Variants in TMEM67 observed in about 807,000 individuals in gnomAD.
The protein encoded by TMEM67 is transmembrane protein 67, also known as meckelin.
In TMEM67, 124 loss-of-function variants were observed where a neutral mutation model predicts 136.6. That is an observed-to-expected ratio of 0.91 (90% confidence interval 0.78 to 1.05). The LOEUF (loss-of-function observed/expected upper bound fraction) is 1.05. TMEM67 is among the 50% of genes least tolerant of loss of function. TMEM67 has a pLI of 0.00. For synonymous variants in TMEM67, 364 were observed against 390.5 expected (o/e 0.93, Z 0.80); for missense variants, 1,107 against 1,178.4 (o/e 0.94, Z 0.89).
At chr8:93,804,976 C>T in intron 23 of TMEM67, 98 bp downstream of exon 23, 1 of 778,736 alleles carries the variant, frequency 1.3e-6, no homozygotes, top group Non-Finnish European at 2.2e-6. Context: ...TCATTGATAA[C>T]TTTTTTTTCT....
chr8:93,765,037 C>T (rs1813021209), intron 4 of TMEM67, among the ~76,000 whole-genome samples: 1 of 152,066 alleles, frequency 6.6e-6, no homozygotes, highest in Non-Finnish European at 1.5e-5. Context: ...TACTTTGTGG[C>T]ACATAAAATA....
At chr8:93,802,107 G>GA (rs1283523363) in intron 21 of TMEM67, among the ~76,000 whole-genome samples, 2 of 152,156 alleles carry the variant, frequency 1.3e-5, no homozygotes, top group African/African-American at 4.8e-5. Context: ...TCTTTCCCAT[G>GA]AAAAAGATAA....
At chr8:93,801,684 G>C (rs1814879128) in intron 21 of TMEM67, among the ~76,000 whole-genome samples, 1 of 152,152 alleles carries the variant, frequency 6.6e-6, no homozygotes, top group Admixed American at 6.5e-5. Flanking sequence ...TTGCACGTGT[G>C]AGCCAGATTG....
At chr8:93,779,262 T>A (rs1409173331) in intron 7 of TMEM67, among the ~76,000 whole-genome samples, 2 of 152,190 alleles carry the variant, frequency 1.3e-5, no homozygotes, top group Non-Finnish European at 2.9e-5. Context: ...TGTCTAATCT[T>A]TTTTCAAGGT....
Position 93,754,913 on chromosome 8 carries a change from C to G in TMEM67, c.-2C>G. 1.2e-6 allele frequency: 2 copies of G among 1,613,456 alleles called. No homozygotes were observed. Among genetic ancestry groups the G allele is most frequent in the Non-Finnish European group, 1.7e-6 (2 of 1,179,856 alleles). Reference sequence around the variant, plus strand: ...GGCTGTGAGGCTTCCAGCGTCGGTACCATGGCGACGCGCGGTGGGGCTGGG... The same window carrying G: ...GGCTGTGAGGCTTCCAGCGTCGGTAGCATGGCGACGCGCGGTGGGGCTGGG... On this transcript the variant is annotated 5_prime_UTR_variant, in exon 1 of 28. Coordinates refer to ENST00000453321, the MANE Select transcript of TMEM67 (RefSeq NM_153704.6).
At chr8:93,776,092 G>A (rs531691608) in intron 7 of TMEM67, among the ~76,000 whole-genome samples, 1 of 152,194 alleles carries the variant, frequency 6.6e-6, no homozygotes, top group South Asian at 2.1e-4. Flanking sequence ...TGGATTCCTA[G>A]GTATTTTATT....
chr8:93,827,131 A>G, the TMEM67 span, among the ~76,000 whole-genome samples: 1 of 152,128 alleles, frequency 6.6e-6, no homozygotes, highest in Non-Finnish European at 1.5e-5. Flanking sequence ...CCACCTGGCC[A>G]GTTTTATATA....
At chr8:93,804,738 C>T (rs958596820) in intron 22 of TMEM67, 24 bp from the exon 23 acceptor site, 2 of 1,398,080 alleles carry the variant, frequency 1.4e-6, no homozygotes, top group South Asian at 2.3e-5. Flanking sequence ...TTGCTATTTG[C>T]TTCTTTTTAT....
intron 1 of TMEM67, among the ~76,000 whole-genome samples, 175 bp downstream of exon 1, chr8:93,755,312 G>T (rs1459090442): frequency 6.6e-6 from 1 of 152,164 alleles, no homozygotes; most frequent in Non-Finnish European, 1.5e-5. Context: ...GAGCCACCGC[G>T]CCTGGCCCGA....
rs766852784 is a variant in TMEM67, at chr8:93,785,384, A to G, written c.1288+6A>G. 1.2e-5 allele frequency: 19 copies of G among 1,611,838 alleles called. No homozygotes were observed. Among genetic ancestry groups the G allele is most frequent in the Non-Finnish European group, 8.5e-7 (1 of 1,178,834 alleles). On this transcript the variant is annotated splice_donor_region_variant and intron_variant, in intron 12 of 27. Coordinates refer to ENST00000453321, the MANE Select transcript of TMEM67 (RefSeq NM_153704.6). The stretch of plus-strand genomic sequence containing the variant: ...TAAGATATTTGTGAACCAAGGTAAG[A>G]CATCCATACATACCACTCTTTTCCC...
chr8:93,785,102 C>T, intron 11 of TMEM67, 120 bp from the exon 12 acceptor site: 2 of 730,280 alleles, frequency 2.7e-6, no homozygotes, highest in South Asian at 1.7e-5. Context: ...ACTAGAAAAA[C>T]ACTCTGAAGA....
At chr8:93,760,050 T>G in intron 3 of TMEM67, 2 of 1,301,052 alleles carry the variant, frequency 1.5e-6, no homozygotes, top group Non-Finnish European at 1.0e-6. Flanking sequence ...CATTCTTTAT[T>G]TTTGGATGGG....
intron 21 of TMEM67, 147 bp downstream of exon 21, chr8:93,799,905 T>C (rs1443240857): frequency 1.3e-4 from 3 of 23,880 alleles, no homozygotes; most frequent in Non-Finnish European, 2.2e-4. Flanking sequence ...TGGTCAGTTC[T>C]TTTTTTTTTT....
intron 6 of TMEM67, among the ~76,000 whole-genome samples, chr8:93,767,725 A>ATTTTTTTTTT (rs61268455): frequency 1.4e-5 from 2 of 139,708 alleles, no homozygotes; most frequent in Non-Finnish European, 1.5e-5. Flanking sequence ...CTTCTGCGTG[A>ATTTTTTTTTT]TTTTTTTTTT....
chr8:93,809,991 C>T (rs540170650), intron 26 of TMEM67, 104 bp downstream of exon 26: 408 of 650,374 alleles, frequency 6.3e-4, no homozygotes, highest in African/African-American at 6.2e-3. Context: ...TTTTTTTAGA[C>T]GGCGTCTTGC....
Position 93,795,400 on chromosome 8 carries a change from A to T in TMEM67, c.1675-9A>T, listed in dbSNP as rs754762539. On this transcript the variant is annotated splice_polypyrimidine_tract_variant and intron_variant, in intron 16 of 27. Coordinates refer to ENST00000453321, the MANE Select transcript of TMEM67 (RefSeq NM_153704.6). Reference sequence around the variant, plus strand: ...TTAAACAGCTGTAATTCTTTTTTTTAAATTGCAGACAGTTGTGAAATTCTT... The same window carrying T: ...TTAAACAGCTGTAATTCTTTTTTTTTAATTGCAGACAGTTGTGAAATTCTT... 2 of 1,611,392 alleles carry T rather than the reference A, an allele frequency of 1.2e-6. No homozygotes were observed. The highest frequency in any genetic ancestry group is 2.2e-5 in the South Asian group (2 of 91,032).
chr8:93,795,258 G>A (rs1814555663), intron 16 of TMEM67, 151 bp from the exon 17 acceptor site: 1 of 714,486 alleles, frequency 1.4e-6, no homozygotes, highest in South Asian at 1.6e-5. Flanking sequence ...GAGGAAGCAG[G>A]TGGTCTTTAT....
At position 93,804,963 on chromosome 8, in the gene TMEM67, T is replaced by A. The variant is rs546582951; in HGVS notation, c.2439+85T>A. 92 of 862,326 alleles carry A rather than the reference T, an allele frequency of 1.1e-4. No homozygotes were observed. The South Asian group carries it at 1.1e-3, about 11-fold the overall frequency. The allele number at this position is 862,326 out of a possible 1,614,324, so 53.4% of individuals were successfully genotyped here. Reference sequence around the variant, plus strand: ...TGGATTTGTTTTAAAAAAAAAACAGTCTTCATTGATAACTTTTTTTTCTTT... The same window carrying A: ...TGGATTTGTTTTAAAAAAAAAACAGACTTCATTGATAACTTTTTTTTCTTT... On this transcript the variant is annotated intron_variant, in intron 23 of 27. Coordinates refer to ENST00000453321, the MANE Select transcript of TMEM67 (RefSeq NM_153704.6).
chr8:93,809,382 A>G (rs914690560), intron 25 of TMEM67, among the ~76,000 whole-genome samples: 10 of 152,188 alleles, frequency 6.6e-5, no homozygotes, highest in Non-Finnish European at 1.3e-4. Flanking sequence ...GGATAGAATT[A>G]GGTTACGCAA....
Sources: allele counts gnomAD v4.1 joint callset (sites outside exome capture counted in the v4.1 genomes callset), GRCh38; gene constraint gnomAD v4.1.1; transcripts MANE v1.5; gene names NCBI Gene and HGNC (gene_info 2026-07-23, HGNC 2026-07-21).